The following TEC variants were observed in gnomAD, a reference collection of about 807,000 sequenced individuals.
TEC encodes the protein tec protein tyrosine kinase.
TEC carries 72 observed loss-of-function variants against 93.0 expected under a neutral mutation model. That is an observed-to-expected ratio of 0.77 (90% CI 0.64 to 0.94). TEC has a LOEUF of 0.94. Ranked by LOEUF, TEC falls within the 40% of genes least tolerant of loss-of-function variation. The pLI, the probability that TEC is intolerant of heterozygous loss-of-function variation, is 0.00. For missense variants in TEC, 630 were observed against 757.9 expected (o/e 0.83, Z 1.98); for synonymous variants, 249 against 247.7 (o/e 1.01, Z -0.05).
intron 1 of TEC, among the ~76,000 whole-genome samples, chr4:48,264,420 A>T (rs1367414903): frequency 6.6e-6 from 1 of 152,176 alleles, no homozygotes; most frequent in African/African-American, 2.4e-5. Context: ...GAGGGGTTAT[A>T]TGCACATCTA....
intron 17 of TEC, 23 bp downstream of exon 17, chr4:48,138,638 AAAAG>A: frequency 1.3e-6 from 2 of 1,580,306 alleles, no homozygotes; most frequent in Non-Finnish European, 1.7e-6. Context: ...AAGAGATTCA[AAAAG>A]AAAGCACACA....
chr4:48,140,529 AG>A (rs1397877582), intron 15 of TEC, among the ~76,000 whole-genome samples: 1 of 152,166 alleles, frequency 6.6e-6, no homozygotes, highest in African/African-American at 2.4e-5. Context: ...TTTTATGTAA[AG>A]GGCCAGATAA....
At chr4:48,168,963 C>A (rs1720989925) in intron 5 of TEC, among the ~76,000 whole-genome samples, 1 of 152,164 alleles carries the variant, frequency 6.6e-6, no homozygotes, top group African/African-American at 2.4e-5. Context: ...AGAAATTAAT[C>A]AGCTTTGGCT....
intron 10 of TEC, 36 bp from the exon 11 acceptor site, chr4:48,149,726 G>C: frequency 6.4e-7 from 1 of 1,567,390 alleles, no homozygotes; most frequent in Non-Finnish European, 8.6e-7. Flanking sequence ...GAACCAAGTT[G>C]AAATAATAGA....
intron 1 of TEC, among the ~76,000 whole-genome samples, chr4:48,256,480 C>T (rs1560427134): frequency 6.6e-6 from 1 of 150,788 alleles, no homozygotes; most frequent in African/African-American, 2.4e-5. Context: ...GTAGTCCCAG[C>T]CACTAGAGAG....
intron 7 of TEC, among the ~76,000 whole-genome samples, chr4:48,166,677 G>T (rs1720884288): frequency 6.6e-6 from 1 of 151,406 alleles, no homozygotes; most frequent in South Asian, 2.1e-4. Context: ...ATACTTTTTG[G>T]ATGCTTGAAA....
chr4:48,201,970 T>A (rs1722533949), intron 2 of TEC, among the ~76,000 whole-genome samples: 1 of 148,094 alleles, frequency 6.8e-6, no homozygotes, highest in Admixed American at 6.7e-5. Flanking sequence ...TTTTTTTTTT[T>A]TTTTGAGACA....
chr4:48,191,675 A>T (rs1722097025), intron 2 of TEC, among the ~76,000 whole-genome samples: 1 of 151,498 alleles, frequency 6.6e-6, no homozygotes, highest in African/African-American at 2.4e-5. Context: ...TACCATGGAA[A>T]TGTAGGCAAT....
chr4:48,175,185 G>C (rs759590263), intron 3 of TEC, among the ~76,000 whole-genome samples: 1 of 152,178 alleles, frequency 6.6e-6, no homozygotes, highest in African/African-American at 2.4e-5. Flanking sequence ...AATAAGCCAG[G>C]AGCTTGGATA....
chr4:48,186,039 G>A (rs2109573271), intron 2 of TEC, among the ~76,000 whole-genome samples: 1 of 152,270 alleles, frequency 6.6e-6, no homozygotes, highest in East Asian at 1.9e-4. Flanking sequence ...TGCATTTTTT[G>A]GTGGAGACAG....
rs1201851669 is a variant in TEC at position 48,138,731 on chromosome 4, G to A, written c.1746C>T (p.His582=). Residue 582 remains histidine, a synonymous_variant, in exon 17 of 18, where the codon CAC becomes CAT. Coordinates refer to ENST00000381501, the MANE Select transcript of TEC (RefSeq NM_003215.3). The part of the protein sequence containing the change: ...YEVVTMVTRG[H]RLYQPKLASN... ...ACGCCAACTTCGGCTGGTAGAGTCG[G>A]TGGCCTCGAGTAACCATGGTTACCA... 2.5e-6 allele frequency: 4 copies of A among 1,614,212 alleles called. No homozygotes were observed. Among genetic ancestry groups the A allele is most frequent in the South Asian group, 1.1e-5 (1 of 91,090 alleles).
intron 1 of TEC, among the ~76,000 whole-genome samples, chr4:48,243,459 T>C (rs1010909086): frequency 4.6e-5 from 7 of 152,224 alleles, no homozygotes; most frequent in Admixed American, 2.6e-4. Context: ...ATAAAATTCC[T>C]TACACGCAGC....
chr4:48,157,620 AT>A (rs34484145), intron 8 of TEC, among the ~76,000 whole-genome samples: 9,210 of 152,068 alleles, frequency 0.061, 941 homozygotes, highest in African/African-American at 0.21. Context: ...GGTTCAAGCA[AT>A]TTTCCTGCCT....
intron 2 of TEC, among the ~76,000 whole-genome samples, chr4:48,208,296 C>A (rs947123879): frequency 1.3e-5 from 2 of 152,180 alleles, no homozygotes; most frequent in African/African-American, 2.4e-5. Context: ...ACTGACCTCT[C>A]CAAGATCACA....
intron 15 of TEC, among the ~76,000 whole-genome samples, chr4:48,139,239 T>C (rs1359170092): frequency 6.6e-6 from 1 of 152,244 alleles, no homozygotes; most frequent in East Asian, 1.9e-4. Context: ...ATCACCACGT[T>C]ACCATCTGCA....
At chr4:48,142,027 C>T (rs1719694140) in intron 14 of TEC, among the ~76,000 whole-genome samples, 1 of 152,224 alleles carries the variant, frequency 6.6e-6, no homozygotes, top group African/African-American at 2.4e-5. Flanking sequence ...TCTTATTAAA[C>T]TATCCAATTT....
chr4:48,196,089 T>C (rs973558819), intron 2 of TEC, among the ~76,000 whole-genome samples: 4 of 152,324 alleles, frequency 2.6e-5, no homozygotes, highest in East Asian at 1.9e-4. Context: ...AGGTATCAAC[T>C]TGACTGGAAG....
chr4:48,145,700 A>T, intron 12 of TEC, 121 bp from the exon 13 acceptor site: 5 of 1,079,822 alleles, frequency 4.6e-6, no homozygotes, highest in Non-Finnish European at 6.7e-6. Flanking sequence ...CACTGTAATA[A>T]TTCCTGGTAA....
intron 2 of TEC, among the ~76,000 whole-genome samples, chr4:48,184,885 A>G (rs574522491): frequency 3.3e-5 from 5 of 152,306 alleles, no homozygotes; most frequent in African/African-American, 9.6e-5. Flanking sequence ...CAACACATGC[A>G]TAGCACTAAA....
Sources: gnomAD v4.1 joint callset for allele counts (sites outside exome capture counted in the v4.1 genomes callset) on GRCh38, gnomAD v4.1.1 for gene constraint, MANE v1.5 for transcripts, NCBI Gene and HGNC (gene_info 2026-07-23, HGNC 2026-07-21) for gene names.